SLCO1C1: variants seen among roughly 807,000 people sequenced by gnomAD.
The protein encoded by SLCO1C1 is solute carrier organic anion transporter family member 1C1, also known as OAT-RP-5.
Under a neutral mutation model 76.4 loss-of-function variants are expected in SLCO1C1, and 70 were observed. The observed-to-expected ratio is 0.92, with a 90% CI of 0.76 to 1.12. The LOEUF (loss-of-function observed/expected upper bound fraction) is 1.12, where lower values mean the gene tolerates loss of function less well. Ranked by LOEUF, SLCO1C1 falls within the 50% of genes most tolerant of loss-of-function variation. SLCO1C1 has a pLI of 0.00. For missense variants in SLCO1C1, 912 were observed against 823.8 expected (o/e 1.11, Z -1.31); for synonymous variants, 306 against 286.1 (o/e 1.07, Z -0.70).
intron 5 of SLCO1C1, among the ~76,000 whole-genome samples, chr12:20,713,331 G>A (rs1337648099): frequency 5.9e-5 from 9 of 152,070 alleles, no homozygotes; most frequent in Non-Finnish European, 1.0e-4. Flanking sequence ...CGCCCGCCTC[G>A]GCCTCCCAAA....
chr12:20,701,199 A>T, intron 2 of SLCO1C1, 119 bp from the exon 3 acceptor site: 1 of 1,031,464 alleles, frequency 9.7e-7, no homozygotes, highest in Non-Finnish European at 1.3e-6. Context: ...CAGTGATAAT[A>T]AAGTTGATAT....
chr12:20,739,651 T>G (rs1948711289), intron 11 of SLCO1C1, among the ~76,000 whole-genome samples: 2 of 152,102 alleles, frequency 1.3e-5, no homozygotes, highest in Non-Finnish European at 2.9e-5. Context: ...ATGGTGAGAT[T>G]AGAGTGGCAT....
At chr12:20,741,690 T>A (rs553477971) in intron 12 of SLCO1C1, among the ~76,000 whole-genome samples, 1 of 152,180 alleles carries the variant, frequency 6.6e-6, no homozygotes, top group Non-Finnish European at 1.5e-5. Flanking sequence ...CTGTAACAAT[T>A]ACATGAATCC....
chr12:20,701,407 G>T lies in SLCO1C1; in HGVS notation c.219G>T (p.Arg73Ser). 6.4e-7 allele frequency: 1 copy of T among 1,554,214 alleles called. No individual in the cohort carries two copies. Among genetic ancestry groups the T allele is most frequent in the Non-Finnish European group, 8.8e-7 (1 of 1,136,642 alleles). ...LKSTITQIER[R>S]FDIPSSLVGV... ...GCACCATCACTCAGATAGAGAGAAG[G>T]TTTGATATCCCTTCTTCACTGGTGG... is the stretch of plus-strand genomic sequence containing the variant. Residue 73 changes from arginine (R) to serine (S), a missense_variant, in exon 3 of 15, where the codon AGG (arginine) becomes AGT (serine). Coordinates refer to ENST00000266509, the MANE Select transcript of SLCO1C1 (RefSeq NM_017435.5).
chr12:20,739,768 C>T (rs1226453313), intron 11 of SLCO1C1, among the ~76,000 whole-genome samples: 1 of 152,168 alleles, frequency 6.6e-6, no homozygotes, highest in African/African-American at 2.4e-5. Flanking sequence ...TGCAGTCTGA[C>T]TGCCATGTTT....
Position 20,750,701 on chromosome 12 carries a change from G to A in SLCO1C1, c.1825G>A (p.Gly609Arg), listed in dbSNP as rs1949261453. The A allele has an allele frequency of 4.3e-6, 7 of 1,613,906 alleles. No individual in the cohort carries two copies. The highest frequency in any genetic ancestry group is 5.9e-6 in the Non-Finnish European group (7 of 1,179,864). The change falls in exon 14 of 15, where the codon GGA becomes AGA. Residue 609 changes from glycine to arginine, a missense_variant. Transcript: ENST00000266509. Reference sequence around the variant, plus strand: ...AGGAATCCCAGCTCCAGTGTATTTTGGAGTTTTGATTGATACTTCATGCCT... The same window carrying A: ...AGGAATCCCAGCTCCAGTGTATTTTAGAGTTTTGATTGATACTTCATGCCT... ...LAGIPAPVYF[G>R]VLIDTSCLKW...
At position 20,740,374 on chromosome 12, in the gene SLCO1C1, T is replaced by C. The variant is rs1241132983; in HGVS notation, c.1733+6T>C. The C allele has an allele frequency of 6.2e-7, 1 of 1,603,652 alleles. No homozygotes were observed. Among genetic ancestry groups the C allele is most frequent in the Non-Finnish European group, 8.5e-7 (1 of 1,175,968 alleles). On this transcript the variant is annotated splice_donor_region_variant and intron_variant, in intron 12 of 14. Coordinates refer to ENST00000266509, the MANE Select transcript of SLCO1C1 (RefSeq NM_017435.5). ...GGATACATATTACTTCTGAGGTGAG[T>C]ACTGATTCTCCCTATTCTAATTTTA... is the stretch of plus-strand genomic sequence containing the variant.
chr12:20,714,731 A>C (rs1005154874), intron 5 of SLCO1C1, among the ~76,000 whole-genome samples: 3 of 152,202 alleles, frequency 2.0e-5, no homozygotes, highest in African/African-American at 7.2e-5. Context: ...AGAACTAAAA[A>C]TTAAGGTGAG....
At chr12:20,732,295 T>A (rs1320716001) in intron 9 of SLCO1C1, among the ~76,000 whole-genome samples, 1 of 152,238 alleles carries the variant, frequency 6.6e-6, no homozygotes, top group African/African-American at 2.4e-5. Context: ...AGTGTGGCTA[T>A]GAACAAATAG....
intron 7 of SLCO1C1, among the ~76,000 whole-genome samples, chr12:20,719,250 T>G (rs951498402): frequency 6.6e-6 from 1 of 152,096 alleles, no homozygotes; most frequent in South Asian, 2.1e-4. Context: ...ATGTTGCATG[T>G]GTTCTGACTG....
chr12:20,697,583 C>A (rs1400977950), intron 1 of SLCO1C1: 2 of 151,982 alleles, frequency 1.3e-5, no homozygotes, highest in African/African-American at 4.8e-5. Flanking sequence ...CTATATTCTT[C>A]ATTTCTTAAA....
intron 9 of SLCO1C1, among the ~76,000 whole-genome samples, chr12:20,728,003 G>C (rs1250970591): frequency 6.6e-6 from 1 of 152,182 alleles, no homozygotes; most frequent in African/African-American, 2.4e-5. Flanking sequence ...GTCTCTTGCT[G>C]CGCAGAAGCT....
Position 20,723,085 on chromosome 12 carries a change from T to C in SLCO1C1, c.1022-5T>C. The C allele has an allele frequency of 2.5e-6, 4 of 1,602,152 alleles. No individual in the cohort carries two copies. Among genetic ancestry groups the C allele is most frequent in the Non-Finnish European group, 2.6e-6 (3 of 1,175,636 alleles). On this transcript the variant is annotated splice_region_variant and splice_polypyrimidine_tract_variant and intron_variant, in intron 8 of 14. Coordinates refer to ENST00000266509, the MANE Select transcript of SLCO1C1 (RefSeq NM_017435.5). ...TAATTAGTCTATGTTATTTTTGTTT[T>C]ACAGATTTTCTTCCATCACTGAAGA...
chr12:20,707,124 G>A (rs1946818694), intron 4 of SLCO1C1, among the ~76,000 whole-genome samples: 1 of 152,054 alleles, frequency 6.6e-6, no homozygotes, highest in African/African-American at 2.4e-5. Context: ...TGCCCATTTG[G>A]ATGAATTCCC....
chr12:20,735,120 T>A (rs1948479520), intron 10 of SLCO1C1, among the ~76,000 whole-genome samples: 1 of 152,242 alleles, frequency 6.6e-6, no homozygotes, highest in Admixed American at 6.5e-5. Flanking sequence ...CTTTCAATAC[T>A]ATAAAGTATT....
intron 13 of SLCO1C1, 135 bp downstream of exon 13, chr12:20,743,504 T>C: frequency 1.7e-6 from 1 of 574,234 alleles, no homozygotes. Flanking sequence ...TTTTATTCCT[T>C]TCTTCATTTC....
intron 7 of SLCO1C1, among the ~76,000 whole-genome samples, chr12:20,718,198 G>A (rs1265093448): frequency 6.6e-6 from 1 of 152,114 alleles, no homozygotes; most frequent in Non-Finnish European, 1.5e-5. Flanking sequence ...GCAGTACAGA[G>A]GAAAATTGTT....
chr12:20,722,974 C>T, intron 8 of SLCO1C1, 116 bp from the exon 9 acceptor site: 1 of 846,434 alleles, frequency 1.2e-6, no homozygotes, highest in Non-Finnish European at 1.8e-6. Context: ...CACACTGTGA[C>T]TACTCCCAAA....
intron 14 of SLCO1C1, among the ~76,000 whole-genome samples, chr12:20,751,960 G>A (rs979198615): frequency 1.3e-5 from 2 of 152,110 alleles, no homozygotes; most frequent in African/African-American, 4.8e-5. Context: ...GTACTTTTGA[G>A]TGTGAAAAGG....
Sources: allele counts gnomAD v4.1 joint callset (sites outside exome capture counted in the v4.1 genomes callset), GRCh38; gene constraint gnomAD v4.1.1; transcripts MANE v1.5; gene names NCBI Gene and HGNC (gene_info 2026-07-23, HGNC 2026-07-21).